SLC22A25: variants seen among roughly 807,000 people sequenced by gnomAD.
The protein encoded by SLC22A25 is solute carrier family 22 member 25, also known as MGI:2442751, MGI:2385316, MGI:3042283, MGI:3645714, MGI:3605624, MGI:2442750.
Under a neutral mutation model 45.9 loss-of-function variants are expected in SLC22A25, and 44 were observed. The ratio of observed to expected loss-of-function variants is 0.96; its 90% confidence interval spans 0.75 to 1.23. SLC22A25 has a LOEUF of 1.23. Among genes scored for constraint, SLC22A25 ranks in the 50% most tolerant of loss-of-function variants. The probability of loss-of-function intolerance (pLI) is 0.00; values close to 1 mark genes in which losing one functional copy is unlikely to be tolerated. For synonymous variants in SLC22A25, 283 were observed against 238.6 expected (o/e 1.19, Z -1.72); for missense variants, 800 against 666.4 (o/e 1.20, Z -2.21).
intron 3 of SLC22A25, among the ~76,000 whole-genome samples, chr11:63,230,546 A>G (rs571059615): frequency 1.0e-3 from 155 of 152,358 alleles, no homozygotes; most frequent in African/African-American, 3.5e-3. Context: ...CAGACAAAAT[A>G]TAGGAGAAAA....
intron 7 of SLC22A25, among the ~76,000 whole-genome samples, chr11:63,192,805 C>G (rs955741281): frequency 6.6e-6 from 1 of 152,322 alleles, no homozygotes; most frequent in Non-Finnish European, 1.5e-5. Flanking sequence ...AATATGTATG[C>G]ATCCAATGCA....
At chr11:63,169,162 G>A (rs1352352661) in intron 9 of SLC22A25, among the ~76,000 whole-genome samples, 2 of 152,158 alleles carry the variant, frequency 1.3e-5, no homozygotes, top group East Asian at 1.9e-4. Flanking sequence ...AAGAGCTCCT[G>A]AAGGAAGCAC....
intron 3 of SLC22A25, among the ~76,000 whole-genome samples, chr11:63,232,136 G>C (rs1190290021): frequency 6.6e-6 from 1 of 152,240 alleles, no homozygotes; most frequent in East Asian, 1.9e-4. Context: ...GGTTCCATAT[G>C]AACTTTAAAG....
At chr11:63,236,293 A>T (rs556997582) in intron 3 of SLC22A25, among the ~76,000 whole-genome samples, 88 of 152,162 alleles carry the variant, frequency 5.8e-4, no homozygotes, top group Non-Finnish European at 1.0e-3. Flanking sequence ...GGCTCCACCC[A>T]GTTCGAGCTT....
chr11:63,166,154 G>C lies in SLC22A25; in HGVS notation c.1175C>G (p.Ala392Gly). Residue 392 changes from alanine (A) to glycine (G), a missense_variant, in exon 10 of 12, where the codon GCC becomes GGC. Physicochemically the swap from Ala to Gly is moderately conservative, Grantham distance 60. Coordinates refer to ENST00000306494, the MANE Select transcript of SLC22A25 (RefSeq NM_199352.6). ...CAGTGCCCAAGGTGCAACACAATTG[G>C]CCAGGAGGGTGACTGCACCAAAGAG... is the stretch of plus-strand genomic sequence containing the variant. ...QTLFGAVTLL[A>G]NCVAPWALNH... 3 of 1,614,022 alleles carry C rather than the reference G, an allele frequency of 1.9e-6. No homozygotes were observed. The highest frequency in any genetic ancestry group is 2.5e-6 in the Non-Finnish European group (3 of 1,179,966).
intron 5 of SLC22A25, among the ~76,000 whole-genome samples, chr11:63,224,960 G>A (rs1315055811): frequency 3.9e-5 from 6 of 152,060 alleles, no homozygotes; most frequent in Non-Finnish European, 5.9e-5. Flanking sequence ...TTAGCCAGGC[G>A]TGGTGGCGGG....
rs79237594 is a variant in SLC22A25, at chr11:63,228,550, G to C, written c.417C>G (p.Cys139Trp). ...STIVTKWDLVCESQPLNSVAK... is the reference protein window; with the variant it reads ...STIVTKWDLVWESQPLNSVAK... ...CTACTGAATTCAGTGGTTGAGATTCGCATACCAGATCCCACTGGAAGAAAA... is the reference window on the plus strand; with the variant it reads ...CTACTGAATTCAGTGGTTGAGATTCCCATACCAGATCCCACTGGAAGAAAA... The change falls in exon 5 of 12, where the codon TGC (cysteine) becomes TGG (tryptophan). Residue 139 changes from cysteine (C) to tryptophan (W), a missense_variant. Transcript: ENST00000306494. 1 of 1,612,726 alleles carries C rather than the reference G, an allele frequency of 6.2e-7. No individual in the cohort carries two copies. Among genetic ancestry groups the C allele is most frequent in the African/African-American group, 1.3e-5 (1 of 74,714 alleles).
intron 5 of SLC22A25, among the ~76,000 whole-genome samples, chr11:63,226,363 A>AGGG (rs975798034): frequency 6.6e-6 from 1 of 152,216 alleles, no homozygotes; most frequent in African/African-American, 2.4e-5. Flanking sequence ...CATCTGCATT[A>AGGG]GGGGGCCTCC....
intron 11 of SLC22A25, 99 bp from the exon 12 acceptor site, chr11:63,164,172 C>T (rs113276570): frequency 0.048 from 68,773 of 1,432,602 alleles, 1,897 homozygotes; most frequent in Non-Finnish European, 0.058. Context: ...CACTTAAACA[C>T]ATGGAGGTGA....
intron 5 of SLC22A25, among the ~76,000 whole-genome samples, chr11:63,221,714 T>C (rs2089857432): frequency 6.6e-6 from 1 of 152,192 alleles, no homozygotes; most frequent in Non-Finnish European, 1.5e-5. Context: ...CAGTCCAATG[T>C]CCTGGAGAGT....
intron 7 of SLC22A25, among the ~76,000 whole-genome samples, chr11:63,189,787 T>G (rs531529320): frequency 6.6e-6 from 1 of 152,196 alleles, no homozygotes; most frequent in African/African-American, 2.4e-5. Flanking sequence ...AGGATTTTAT[T>G]TCTCCTTCAC....
chr11:63,173,899 C>CTT lies in SLC22A25; in HGVS notation c.1070+6759_1070+6760dup, dbSNP rs561742765. Among the ~76,000 whole-genome samples, 687 of 140,706 alleles carry CTT rather than the reference C, an allele frequency of 4.9e-3. 4 individuals are homozygous for CTT. Among genetic ancestry groups the CTT allele is most frequent in the African/African-American group, 0.011 (428 of 38,852 alleles). 92.3% of individuals were successfully genotyped at this position (140,706 alleles called of 152,430 possible). On this transcript the variant is annotated intron_variant, in intron 9 of 11. Coordinates refer to ENST00000306494, the MANE Select transcript of SLC22A25 (RefSeq NM_199352.6). ...GCTATTCAAGGTTGGATTTTCTTTTCTTTTTTTTTTTTTTTATTACATTTT... is the reference window on the plus strand; with the variant it reads ...GCTATTCAAGGTTGGATTTTCTTTTCTTTTTTTTTTTTTTTTTATTACATTTT...
At position 63,203,335 on chromosome 11, in the gene SLC22A25, A is replaced by G. The variant is rs2089303599; in HGVS notation, c.830+13979T>C. On this transcript the variant is annotated intron_variant, in intron 7 of 11. Transcript: ENST00000306494. ...ACAAATGGACAGAAGTAGGCTTCAG[A>G]AGGTGGGTAATAACAATCTCCTCTG... Among the ~76,000 whole-genome samples, 2 of 152,052 alleles carry G rather than the reference A, an allele frequency of 1.3e-5. 1 individual carries two copies. Among genetic ancestry groups the G allele is most frequent in the South Asian group, 4.1e-4 (2 of 4,822 alleles).
Position 63,191,082 on chromosome 11 carries a change from A to C in SLC22A25, c.831-7265T>G, listed in dbSNP as rs141199851. On this transcript the variant is annotated intron_variant, in intron 7 of 11. Coordinates refer to ENST00000306494, the MANE Select transcript of SLC22A25 (RefSeq NM_199352.6). ...ACTACTCTCTTCAAAGCTGTTAGAC[A>C]GGGACATTTAAGTCTGCGGAGTTTT... is the stretch of plus-strand genomic sequence containing the variant. Among the ~76,000 whole-genome samples the C allele has an allele frequency of 8.4e-3, 1,286 of 152,342 alleles. 15 individuals are homozygous for C. The highest frequency in any genetic ancestry group is 0.03 in the African/African-American group (1,241 of 41,584).
intron 7 of SLC22A25, among the ~76,000 whole-genome samples, chr11:63,185,715 C>T (rs904970681): frequency 7.8e-5 from 10 of 128,432 alleles, no homozygotes; most frequent in Non-Finnish European, 1.5e-4. Context: ...CACCACAGTC[C>T]CCATAGTGTG....
chr11:63,213,701 T>C (rs1459223570), intron 7 of SLC22A25, among the ~76,000 whole-genome samples: 1 of 152,056 alleles, frequency 6.6e-6, no homozygotes, highest in African/African-American at 2.4e-5. Flanking sequence ...AGAAACCCGA[T>C]TGGAAGGGCA....
Position 63,198,730 on chromosome 11 carries a change from AAAG to A in SLC22A25, c.831-14916_831-14914del, listed in dbSNP as rs1467475991. On this transcript the variant is annotated intron_variant, in intron 7 of 11. Coordinates refer to ENST00000306494, the MANE Select transcript of SLC22A25 (RefSeq NM_199352.6). ...CTTTAAGTATAATAAAAAAAAGAAAAAAGAAATCAAGACAAGAAATTTATTCAA... is the reference window on the plus strand; with the variant it reads ...CTTTAAGTATAATAAAAAAAAGAAAAAAATCAAGACAAGAAATTTATTCAA... 1.7e-4 allele frequency among the ~76,000 whole-genome samples: 26 copies of A among 152,276 alleles called. No homozygotes were observed. In the East Asian group the frequency reaches 4.8e-3, roughly 28 times the overall value.
chr11:63,212,865 C>A (rs1357147055), intron 7 of SLC22A25, among the ~76,000 whole-genome samples: 1 of 151,774 alleles, frequency 6.6e-6, no homozygotes, highest in African/African-American at 2.4e-5. Flanking sequence ...GAGGCTTTTG[C>A]ACCACCTAGT....
intron 5 of SLC22A25, chr11:63,219,932 C>T: frequency 7.8e-7 from 1 of 1,289,176 alleles, no homozygotes; most frequent in Non-Finnish European, 1.0e-6. Flanking sequence ...GGAGAGATAC[C>T]AGAAGACGTG....
Sources: allele counts gnomAD v4.1 joint callset (sites outside exome capture counted in the v4.1 genomes callset), GRCh38; gene constraint gnomAD v4.1.1; transcripts MANE v1.5; gene names NCBI Gene and HGNC (gene_info 2026-07-23, HGNC 2026-07-21).